The following DNAL4 variants were observed in gnomAD, a reference collection of about 807,000 sequenced individuals.
DNAL4 encodes the protein dynein axonemal light chain 4, also known as dynein light chain, outer arm 4.
A neutral mutation model predicts 12.6 loss-of-function variants in DNAL4; 10 were observed. The observed-to-expected ratio is 0.79, with a 90% CI of 0.49 to 1.34. DNAL4 has a LOEUF of 1.34. Ranked by LOEUF, DNAL4 falls within the 40% of genes most tolerant of loss-of-function variation. DNAL4 has a pLI of 0.00. For synonymous variants in DNAL4, 46 were observed against 53.1 expected, an observed-to-expected ratio of 0.87 and a Z score of 0.58; for missense variants, 128 against 138.1, an observed-to-expected ratio of 0.93 and a Z score of 0.37.
Position 38,782,666 on chromosome 22 carries a change from G to C in DNAL4, c.66C>G (p.Val22=). The change falls in exon 2 of 4, where the codon GTC becomes GTG. Residue 22 remains valine, a synonymous_variant. Transcript: ENST00000216068. The surrounding 1 kb of genome is among the most constrained non-coding windows in gnomAD (Gnocchi z 5.1). Reference sequence around the variant, plus strand: ...GCCTCCCTCCCCTGGGGCTTACCCTGACCAGAGGGAAGGTCTGCAGTCGCT... The same window carrying C: ...GCCTCCCTCCCCTGGGGCTTACCCTCACCAGAGGGAAGGTCTGCAGTCGCT... ...DYKRLQTFPL[V]RHSDMPEEMR... 1 of 1,613,206 alleles carries C rather than the reference G, an allele frequency of 6.2e-7. No homozygotes were observed.
Position 38,779,424 on chromosome 22 carries a change from A to T in DNAL4, c.*25T>A. On this transcript the variant is annotated 3_prime_UTR_variant, in exon 4 of 4. Coordinates refer to ENST00000216068, the MANE Select transcript of DNAL4 (RefSeq NM_005740.3). The surrounding 1 kb of genome is among the most constrained non-coding windows in gnomAD (Gnocchi z 4.3). ...GATGAGTGGCAGGAAAAGGCCCTGC[A>T]GGGGACGGGGCAGGGGACAGAGTGT... is the stretch of plus-strand genomic sequence containing the variant. 1 of 1,552,872 alleles carries T rather than the reference A, an allele frequency of 6.4e-7. No individual in the cohort carries two copies.
chr22:38,788,199 A>T (rs2093045297), intron 1 of DNAL4, among the ~76,000 whole-genome samples: 1 of 152,176 alleles, frequency 6.6e-6, no homozygotes, highest in Admixed American at 6.5e-5. Flanking sequence ...TTCGTCCAAG[A>T]CGCTCGTAGT....
At chr22:38,786,180 C>A (rs1219275262) in intron 1 of DNAL4, among the ~76,000 whole-genome samples, 1 of 152,210 alleles carries the variant, frequency 6.6e-6, no homozygotes, top group African/African-American at 2.4e-5. Flanking sequence ...GTTCTAACAA[C>A]CTTATCAATC....
At chr22:38,789,564 C>A (rs2093047474) in intron 1 of DNAL4, among the ~76,000 whole-genome samples, 2 of 152,314 alleles carry the variant, frequency 1.3e-5, no homozygotes, top group South Asian at 4.1e-4. Flanking sequence ...GCGTGAGTCA[C>A]CATGCCTGGC....
At chr22:38,784,986 C>CG (rs397779502) in intron 1 of DNAL4, among the ~76,000 whole-genome samples, 1 of 145,494 alleles carries the variant, frequency 6.9e-6, no homozygotes, top group African/African-American at 2.7e-5. Flanking sequence ...CCCCCCCCCC[C>CG]ATCCAATGAC....
intron 1 of DNAL4, among the ~76,000 whole-genome samples, chr22:38,788,884 G>A (rs756935251): frequency 4.6e-5 from 7 of 152,176 alleles, no homozygotes; most frequent in Admixed American, 3.9e-4. Flanking sequence ...ACTTAACTGT[G>A]CCCGTGAGTC....
intron 1 of DNAL4, among the ~76,000 whole-genome samples, chr22:38,792,318 T>C (rs2093051955): frequency 6.6e-6 from 1 of 152,112 alleles, no homozygotes; most frequent in South Asian, 2.1e-4. Flanking sequence ...GTTTTACTCT[T>C]GTTGCCCAGG....
At chr22:38,787,249 T>TTC (rs1569318535) in intron 1 of DNAL4, among the ~76,000 whole-genome samples, 15 of 151,676 alleles carry the variant, frequency 9.9e-5, no homozygotes, top group African/African-American at 2.9e-4. Flanking sequence ...TCTTTCTTTT[T>TTC]TTTTTTTTTG....
chr22:38,792,131 T>C (rs2093051593), intron 1 of DNAL4, among the ~76,000 whole-genome samples: 2 of 152,194 alleles, frequency 1.3e-5, no homozygotes, highest in Non-Finnish European at 2.9e-5. Flanking sequence ...CTTTTTACTT[T>C]GTAAAAGTTT....
chr22:38,781,565 C>T (rs111712923), intron 2 of DNAL4, among the ~76,000 whole-genome samples: 1,566 of 152,278 alleles, frequency 0.01, 14 homozygotes, highest in Non-Finnish European at 0.018. Context: ...ACTTCTACCC[C>T]CAGCTCTAAC....
chr22:38,792,882 A>G (rs1345925183), intron 1 of DNAL4, among the ~76,000 whole-genome samples: 1 of 152,238 alleles, frequency 6.6e-6, no homozygotes, highest in Non-Finnish European at 1.5e-5. Flanking sequence ...GTAGGATAGT[A>G]AACACATAAA....
chr22:38,782,514 A>G lies in DNAL4; in HGVS notation c.69+149T>C. 1.4e-6 allele frequency: 1 copy of G among 715,042 alleles called. No individual in the cohort carries two copies. The highest frequency in any genetic ancestry group is 1.7e-5 in the South Asian group (1 of 57,668). 44.3% of individuals were successfully genotyped at this position (715,042 alleles called of 1,614,324 possible). On this transcript the variant is annotated intron_variant, in intron 2 of 3. Transcript: ENST00000216068. The surrounding 1 kb of genome is among the most constrained non-coding windows in gnomAD (Gnocchi z 5.1). ...GAATGAATGAATGAAACAATGAATCACTGTCAACTCCAAGATGTCTAGGTC... is the reference window on the plus strand; with the variant it reads ...GAATGAATGAATGAAACAATGAATCGCTGTCAACTCCAAGATGTCTAGGTC...
Position 38,788,101 on chromosome 22 carries a change from C to T in DNAL4, c.-139-5231G>A, listed in dbSNP as rs1419090919. Among the ~76,000 whole-genome samples, 7 of 152,242 alleles carry T rather than the reference C, an allele frequency of 4.6e-5. No homozygotes were observed. The East Asian group carries it at 9.7e-4, about 21-fold the overall frequency. On this transcript the variant is annotated intron_variant, in intron 1 of 3. Transcript: ENST00000216068. Reference sequence around the variant, plus strand: ...CTTCCCGCCACATTGGGGACACAGGCGGGCACTCCAGTCTTCCTTGGCCTT... The same window carrying T: ...CTTCCCGCCACATTGGGGACACAGGTGGGCACTCCAGTCTTCCTTGGCCTT...
intron 1 of DNAL4, among the ~76,000 whole-genome samples, chr22:38,787,310 C>T (rs997765006): frequency 6.6e-6 from 1 of 151,036 alleles, no homozygotes; most frequent in Non-Finnish European, 1.5e-5. Flanking sequence ...GACGCGATCT[C>T]GGCTCACTGC....
chr22:38,784,257 T>C (rs1817063457), intron 1 of DNAL4, among the ~76,000 whole-genome samples: 1 of 152,194 alleles, frequency 6.6e-6, no homozygotes, highest in Admixed American at 6.5e-5. Flanking sequence ...AGTTCGGTTC[T>C]GTAGGGACAG....
In DNAL4 at chr22:38,778,538, C is replaced by T. The variant is rs962779407; in HGVS notation, c.*911G>A. 3 of 152,640 alleles carry T rather than the reference C, an allele frequency of 2.0e-5. No homozygotes were observed. Among genetic ancestry groups the T allele is most frequent in the African/African-American group, 7.2e-5 (3 of 41,446 alleles). 9.5% of individuals were successfully genotyped at this position (152,640 alleles called of 1,614,324 possible). A position where few individuals can be genotyped will look rare whatever the true frequency, so the allele number is the denominator to read the frequency against. ...TTTTGGTCATTTTAATTGTAAAAACCAAGACATTTATATAAATAAGACCGC... is the reference window on the plus strand; with the variant it reads ...TTTTGGTCATTTTAATTGTAAAAACTAAGACATTTATATAAATAAGACCGC... On this transcript the variant is annotated 3_prime_UTR_variant, in exon 4 of 4. Transcript: ENST00000216068.
intron 1 of DNAL4, among the ~76,000 whole-genome samples, chr22:38,787,678 C>T (rs1037014823): frequency 2.6e-5 from 4 of 152,240 alleles, no homozygotes; most frequent in African/African-American, 9.6e-5. Context: ...AAACCACTAT[C>T]TCCCAAGTTC....
At chr22:38,788,581 A>G (rs1016535397) in intron 1 of DNAL4, among the ~76,000 whole-genome samples, 2 of 152,140 alleles carry the variant, frequency 1.3e-5, no homozygotes, top group Non-Finnish European at 2.9e-5. Flanking sequence ...TGACTCACAC[A>G]TGCACCCTCA....
intron 1 of DNAL4, among the ~76,000 whole-genome samples, chr22:38,783,559 C>T (rs890502472): frequency 6.6e-6 from 1 of 152,228 alleles, no homozygotes; most frequent in African/African-American, 2.4e-5. Flanking sequence ...GGAATGGGCA[C>T]GGTGCTGCTC....
Sources: allele counts gnomAD v4.1 joint callset (sites outside exome capture counted in the v4.1 genomes callset), GRCh38; gene constraint gnomAD v4.1.1; non-coding constraint Gnocchi (gnomAD v3.1); transcripts MANE v1.5; gene names NCBI Gene and HGNC (gene_info 2026-07-23, HGNC 2026-07-21).